ANKRD12: variants seen among roughly 807,000 people sequenced by gnomAD.
ANKRD12 encodes the protein ankyrin repeat domain-containing protein 12.
In ANKRD12, 85 loss-of-function variants were observed where a neutral mutation model predicts 183.4. The observed-to-expected ratio is 0.46, with a 90% CI of 0.39 to 0.56. The LOEUF is 0.56. Among genes scored for constraint, ANKRD12 ranks in the 20% least tolerant of loss-of-function variants. The pLI is 0.00. For missense variants in ANKRD12, 2,405 were observed against 2,357.1 expected, an observed-to-expected ratio of 1.02 and a Z score of -0.42; for synonymous variants, 914 against 800.2, an observed-to-expected ratio of 1.14 and a Z score of -2.40.
At position 9,256,020 on chromosome 18, in the gene ANKRD12, AAGAG is replaced by A; in HGVS notation, c.2756_2759del (p.Glu919GlyfsTer3). The A allele has an allele frequency of 3.2e-6, 5 of 1,561,664 alleles. No homozygotes were observed. Among genetic ancestry groups the A allele is most frequent in the African/African-American group, 1.4e-5 (1 of 71,998 alleles). On this transcript the variant is annotated frameshift_variant, in exon 9 of 13. Transcript: ENST00000262126. LOFTEE classifies it high-confidence loss of function. ...AAACATGACAAAGAAAAGCCTGAAA[AAGAG>A]AGGCATCTAGCAGAAAGCAAAGAAA...
At chr18:9,248,608 G>A (rs2038103669) in intron 8 of ANKRD12, among the ~76,000 whole-genome samples, 1 of 152,068 alleles carries the variant, frequency 6.6e-6, no homozygotes, top group Admixed American at 6.6e-5. Context: ...TATTCATAAA[G>A]TACATATATA....
intron 1 of ANKRD12, among the ~76,000 whole-genome samples, chr18:9,167,521 T>G (rs1234589542): frequency 6.6e-6 from 1 of 152,102 alleles, no homozygotes; most frequent in African/African-American, 2.4e-5. Context: ...CTCTGTTTGT[T>G]TGTTATTGGT....
chr18:9,258,704 C>A lies in ANKRD12; in HGVS notation c.5437C>A (p.Leu1813Met). The change falls in exon 9 of 13, where the codon CTG becomes ATG. Residue 1813 changes from leucine (L) to methionine (M), a missense_variant. Around this residue, in one of 7 missense-constraint regions of ANKRD12, gnomAD observed 1,983 missense variants for 1,725.9 expected, o/e 1.15. Transcript: ENST00000262126. The part of the protein sequence containing the change: ...LQAKEKTQQS[L>M]AAIVDSLKLD... Reference sequence around the variant, plus strand: ...AGCAAAAGAGAAAACTCAGCAATCTCTGGCAGCCATTGTAGATTCTCTAAA... The same window carrying A: ...AGCAAAAGAGAAAACTCAGCAATCTATGGCAGCCATTGTAGATTCTCTAAA... The A allele has an allele frequency of 6.2e-7, 1 of 1,613,894 alleles. No individual in the cohort carries two copies. The highest frequency in any genetic ancestry group is 1.1e-5 in the South Asian group (1 of 91,064).
At chr18:9,178,083 T>A (rs892701387) in intron 1 of ANKRD12, among the ~76,000 whole-genome samples, 2 of 152,356 alleles carry the variant, frequency 1.3e-5, no homozygotes, top group African/African-American at 2.4e-5. Flanking sequence ...CTTTTCATTT[T>A]CTTAACACCT....
intron 8 of ANKRD12, among the ~76,000 whole-genome samples, chr18:9,244,024 CT>C (rs1479928162): frequency 2.6e-5 from 4 of 152,076 alleles, no homozygotes; most frequent in Non-Finnish European, 5.9e-5. Flanking sequence ...ATCTCAGCTA[CT>C]TGGGAGGCTG....
At position 9,283,909 on chromosome 18, in the gene ANKRD12, C is replaced by G. The variant is rs1952814532; in HGVS notation, c.*2783C>G. On this transcript the variant is annotated 3_prime_UTR_variant, in exon 13 of 13. Coordinates refer to ENST00000262126, the MANE Select transcript of ANKRD12 (RefSeq NM_015208.5). ...AAATCTATTTAATAATGAGAAGTCT[C>G]ACAAGTGAATTTTTAAGTACAGGCA... 1 of 152,206 alleles carries G rather than the reference C, an allele frequency of 6.6e-6. No individual in the cohort carries two copies. The highest frequency in any genetic ancestry group is 1.5e-5 in the Non-Finnish European group (1 of 68,012). 9.4% of individuals were successfully genotyped at this position (152,206 alleles called of 1,614,324 possible).
intron 9 of ANKRD12, chr18:9,259,749 A>G (rs975331545): frequency 3.3e-5 from 5 of 152,154 alleles, no homozygotes; most frequent in African/African-American, 1.2e-4. Flanking sequence ...TAGATTTCCA[A>G]TTTGCATATA....
intron 1 of ANKRD12, among the ~76,000 whole-genome samples, chr18:9,148,136 C>G (rs902490445): frequency 1.1e-4 from 16 of 152,236 alleles, no homozygotes; most frequent in African/African-American, 3.6e-4. Context: ...GCTGTTGCAG[C>G]CCTCTACTGG....
intron 1 of ANKRD12, among the ~76,000 whole-genome samples, chr18:9,167,684 C>G (rs973582702): frequency 1.3e-5 from 2 of 152,172 alleles, no homozygotes; most frequent in Non-Finnish European, 2.9e-5. Context: ...TTGACTTCCT[C>G]TTTTCCTAAT....
chr18:9,260,494 A>G (rs1472569178), intron 9 of ANKRD12: 1 of 152,214 alleles, frequency 6.6e-6, no homozygotes, highest in Admixed American at 6.5e-5. Flanking sequence ...CTGCAGGTCA[A>G]ATCTCCAAAA....
chr18:9,171,459 C>G (rs1345964878), intron 1 of ANKRD12, among the ~76,000 whole-genome samples: 1 of 152,070 alleles, frequency 6.6e-6, no homozygotes, highest in African/African-American at 2.4e-5. Flanking sequence ...TGAATTTGAT[C>G]CTGTCATCAT....
chr18:9,263,958 T>C, intron 10 of ANKRD12, 70 bp downstream of exon 10: 1 of 1,149,440 alleles, frequency 8.7e-7, no homozygotes, highest in African/African-American at 1.6e-5. Flanking sequence ...AAATGGCCTA[T>C]AATTTTTTAT....
intron 1 of ANKRD12, among the ~76,000 whole-genome samples, chr18:9,143,458 TTTTTG>T (rs755064941): frequency 2.6e-5 from 4 of 152,082 alleles, no homozygotes; most frequent in African/African-American, 9.7e-5. Context: ...AAGAGCATTC[TTTTTG>T]TTTTGTTTTG....
intron 1 of ANKRD12, among the ~76,000 whole-genome samples, chr18:9,176,230 T>G (rs1234027387): frequency 6.6e-6 from 1 of 152,202 alleles, no homozygotes; most frequent in East Asian, 1.9e-4. Flanking sequence ...ATTTTAGTTT[T>G]GGTTATAATT....
chr18:9,225,979 A>G (rs1241598331), intron 8 of ANKRD12, among the ~76,000 whole-genome samples: 2 of 152,014 alleles, frequency 1.3e-5, no homozygotes, highest in Admixed American at 6.5e-5. Flanking sequence ...AGTTGAAGAC[A>G]TTCCTAAGTA....
Position 9,257,346 on chromosome 18 carries a change from C to G in ANKRD12, c.4079C>G (p.Ser1360Ter). 6.2e-7 allele frequency: 1 copy of G among 1,614,140 alleles called. No homozygotes were observed. The highest frequency in any genetic ancestry group is 8.5e-7 in the Non-Finnish European group (1 of 1,179,992). ...TCAAATGTGCCTGAAAGAGACCTTT[C>G]AAATGTATCTAACATACATTCCAGT... Reference protein sequence around the residue: ...VFSNVPERDLSNVSNIHSSFA... With the variant: ...VFSNVPERDL Residue 1360 changes from serine (S) to a stop codon, truncating the protein, a stop_gained, in exon 9 of 13, where the codon TCA (serine) becomes TGA (stop). Transcript: ENST00000262126. LOFTEE classifies it high-confidence loss of function.
At chr18:9,194,714 A>T (rs1163398681) in intron 2 of ANKRD12, among the ~76,000 whole-genome samples, 1 of 152,202 alleles carries the variant, frequency 6.6e-6, no homozygotes, top group African/African-American at 2.4e-5. Context: ...ATTGCTTTTT[A>T]AAATTTACAT....
At chr18:9,239,215 C>G (rs933398205) in intron 8 of ANKRD12, among the ~76,000 whole-genome samples, 1 of 152,112 alleles carries the variant, frequency 6.6e-6, no homozygotes, top group African/African-American at 2.4e-5. Context: ...TTTGGCTGCC[C>G]TCTGGATATT....
chr18:9,196,146 CACACAT>C (rs1345362432), intron 3 of ANKRD12, among the ~76,000 whole-genome samples: 101 of 121,370 alleles, frequency 8.3e-4, no homozygotes, highest in African/African-American at 2.8e-3. Flanking sequence ...CACACACACA[CACACAT>C]TGAGGCTAAC....
Sources: allele counts gnomAD v4.1 joint callset (sites outside exome capture counted in the v4.1 genomes callset), GRCh38; gene constraint gnomAD v4.1.1; regional missense constraint gnomAD v4.1.1; transcripts MANE v1.5; gene names NCBI Gene and HGNC (gene_info 2026-07-23, HGNC 2026-07-21).